PCDH15: variants seen among roughly 807,000 people sequenced by gnomAD.
PCDH15 encodes protocadherin related 15.
In PCDH15, 129 loss-of-function variants were observed where a neutral mutation model predicts 178.5. That is an observed-to-expected ratio of 0.72 (90% CI 0.63 to 0.84). The LOEUF (loss-of-function observed/expected upper bound fraction) is 0.84, where lower values mean the gene tolerates loss of function less well. PCDH15 is among the 40% of genes least tolerant of loss of function. The pLI is 0.00. For synonymous variants in PCDH15, 800 were observed against 732.0 expected, an observed-to-expected ratio of 1.09 and a Z score of -1.50; for missense variants, 2,230 against 2,099.9, an observed-to-expected ratio of 1.06 and a Z score of -1.21.
chr10:53,820,878 A>G (rs2132468207), intron 32 of PCDH15, among the ~76,000 whole-genome samples: 1 of 152,132 alleles, frequency 6.6e-6, no homozygotes, highest in East Asian at 1.9e-4. Flanking sequence ...AAAGAGCAGA[A>G]ACCTAGGTAA....
intron 2 of PCDH15, among the ~76,000 whole-genome samples, chr10:55,419,764 A>C (rs552902384): frequency 1.3e-4 from 18 of 140,426 alleles, no homozygotes; most frequent in Non-Finnish European, 1.9e-4. Context: ...TAGGGCTACA[A>C]GTGTTGGAGT....
intron 3 of PCDH15, among the ~76,000 whole-genome samples, chr10:54,522,727 A>G (rs7358118): frequency 6.6e-6 from 1 of 152,146 alleles, no homozygotes; most frequent in Admixed American, 6.5e-5. Context: ...TACCTTGAAG[A>G]AATAACTAAG....
At chr10:54,918,874 T>C (rs1344146853) in intron 2 of PCDH15, among the ~76,000 whole-genome samples, 2 of 152,184 alleles carry the variant, frequency 1.3e-5, no homozygotes, top group South Asian at 2.1e-4. Context: ...ATGTATTTAA[T>C]ATGCTGAATA....
intron 1 of PCDH15, among the ~76,000 whole-genome samples, chr10:54,715,065 A>AT (rs201516388): frequency 0.019 from 2,812 of 151,410 alleles, 31 homozygotes; most frequent in South Asian, 0.042. Flanking sequence ...GCTGATACTC[A>AT]TTTTTTTTTC....
At chr10:54,392,707 T>C (rs1328866598) in intron 3 of PCDH15, among the ~76,000 whole-genome samples, 3 of 151,736 alleles carry the variant, frequency 2.0e-5, no homozygotes, top group African/African-American at 7.3e-5. Flanking sequence ...GAGACCAGCC[T>C]GGCCAACATA....
chr10:55,620,281 G>A (rs962521261), intron 2 of PCDH15, among the ~76,000 whole-genome samples: 1 of 151,868 alleles, frequency 6.6e-6, no homozygotes, highest in Non-Finnish European at 1.5e-5. Context: ...TGAGAAGCTT[G>A]GGAATTGTAA....
chr10:53,900,695 T>C (rs1201889559), intron 26 of PCDH15, among the ~76,000 whole-genome samples: 1 of 152,158 alleles, frequency 6.6e-6, no homozygotes, highest in Non-Finnish European at 1.5e-5. Context: ...CAAAAGATGC[T>C]GCTTTCTGTA....
At chr10:55,416,597 G>T (rs1038481274) in intron 2 of PCDH15, among the ~76,000 whole-genome samples, 5 of 151,660 alleles carry the variant, frequency 3.3e-5, no homozygotes, top group African/African-American at 1.2e-4. Context: ...AAAGCATATG[G>T]AGCAATTTGA....
intron 2 of PCDH15, among the ~76,000 whole-genome samples, chr10:55,101,445 A>T (rs372719653): frequency 1.5e-4 from 23 of 151,248 alleles, no homozygotes; most frequent in East Asian, 5.8e-4. Context: ...TCTAATAAAT[A>T]TTGTTCCTCC....
chr10:54,134,147 G>C lies in PCDH15; in HGVS notation c.1785-1140C>G, dbSNP rs1220147244. Among the ~76,000 whole-genome samples the C allele has an allele frequency of 1.5e-5, 2 of 134,322 alleles. 1 individual carries two copies. The highest frequency in any genetic ancestry group is 5.1e-5 in the African/African-American group (2 of 39,060). The allele number at this position is 134,322 out of a possible 152,430, so 88.1% of individuals were successfully genotyped here. ...CAACCCCCACCTCCCGGGTTCAAGT[G>C]ATTCTCCTGCCTCAGCCTCCCAAGT... On this transcript the variant is annotated intron_variant, in intron 14 of 37. Transcript: ENST00000644397.
At chr10:54,431,498 C>T (rs114633309) in intron 3 of PCDH15, among the ~76,000 whole-genome samples, 4,907 of 152,066 alleles carry the variant, frequency 0.032, 264 homozygotes, top group African/African-American at 0.11. Flanking sequence ...GAATGAAGGG[C>T]AAAAACTGTA....
chr10:53,830,653 T>C (rs1316189649), intron 30 of PCDH15, among the ~76,000 whole-genome samples: 1 of 152,194 alleles, frequency 6.6e-6, no homozygotes, highest in Non-Finnish European at 1.5e-5. Flanking sequence ...TTGACTACTC[T>C]AGATAAGTTA....
chr10:54,643,353 A>G (rs777034574), intron 2 of PCDH15, among the ~76,000 whole-genome samples: 1 of 152,232 alleles, frequency 6.6e-6, no homozygotes, highest in African/African-American at 2.4e-5. Context: ...GATGCTCACC[A>G]AATACTTAAA....
At chr10:55,397,835 C>G (rs986059542) in intron 2 of PCDH15, among the ~76,000 whole-genome samples, 13 of 151,868 alleles carry the variant, frequency 8.6e-5, no homozygotes, top group Non-Finnish European at 1.9e-4. Flanking sequence ...ATGATCCGCC[C>G]GCCTCGGCCT....
At chr10:54,646,869 G>C (rs2094140370) in intron 2 of PCDH15, among the ~76,000 whole-genome samples, 1 of 152,016 alleles carries the variant, frequency 6.6e-6, no homozygotes, top group Non-Finnish European at 1.5e-5. Flanking sequence ...TGGAGAAACT[G>C]GAACTCCTAT....
At chr10:55,550,508 G>A (rs553363611) in intron 2 of PCDH15, among the ~76,000 whole-genome samples, 1 of 152,052 alleles carries the variant, frequency 6.6e-6, no homozygotes, top group East Asian at 1.9e-4. Context: ...GAGCACGAAG[G>A]TCTGTGAAAA....
intron 1 of PCDH15, among the ~76,000 whole-genome samples, chr10:54,666,291 A>G (rs1448437296): frequency 6.6e-6 from 1 of 152,080 alleles, no homozygotes; most frequent in African/African-American, 2.4e-5. Context: ...CATTTTGTGG[A>G]GGAAAGGTCA....
At chr10:54,566,229 G>A (rs1355685971) in intron 2 of PCDH15, among the ~76,000 whole-genome samples, 1 of 152,040 alleles carries the variant, frequency 6.6e-6, no homozygotes, top group Non-Finnish European at 1.5e-5. Flanking sequence ...TGGGAGGAAG[G>A]TATAGATATT....
chr10:55,482,390 G>C (rs185662293), intron 2 of PCDH15, among the ~76,000 whole-genome samples: 2 of 151,848 alleles, frequency 1.3e-5, no homozygotes, highest in East Asian at 3.9e-4. Context: ...TTGCAGACTT[G>C]TTTTCATGAT....
Sources: allele counts gnomAD v4.1 joint callset (sites outside exome capture counted in the v4.1 genomes callset), GRCh38; gene constraint gnomAD v4.1.1; transcripts MANE v1.5; gene names NCBI Gene and HGNC (gene_info 2026-07-23, HGNC 2026-07-21).